The following CCKAR variants were observed in gnomAD, a reference collection of about 807,000 sequenced individuals.
The protein encoded by CCKAR is cholecystokinin receptor type A.
CCKAR carries 21 observed loss-of-function variants against 29.8 expected under a neutral mutation model. The observed-to-expected ratio is 0.70, with a 90% CI of 0.50 to 1.01. The LOEUF (loss-of-function observed/expected upper bound fraction) is 1.01. CCKAR is among the 50% of genes least tolerant of loss of function. The pLI, the probability that CCKAR is intolerant of heterozygous loss-of-function variation, is 0.00. For missense variants in CCKAR, 570 were observed against 560.6 expected (o/e 1.02, Z -0.17); for synonymous variants, 238 against 221.3 (o/e 1.08, Z -0.67).
chr4:26,489,581 C>A (rs959127187), intron 1 of CCKAR, 97 bp from the exon 2 acceptor site: 2 of 1,429,556 alleles, frequency 1.4e-6, no homozygotes, highest in Non-Finnish European at 1.9e-6. Flanking sequence ...ATTTTCCCCC[C>A]ACCGGGGTGT....
rs748528904 is a variant in CCKAR, at chr4:26,482,173, G to A, written c.755-3C>T. 1.9e-6 allele frequency: 3 copies of A among 1,603,428 alleles called. No homozygotes were observed. ...GCTGGTGGTGCTAGGTTTCCTTTCT[G>A]GGTGGGCAAGAGACATCACTCATTG... On this transcript the variant is annotated splice_region_variant and splice_polypyrimidine_tract_variant and intron_variant, in intron 4 of 4. Transcript: ENST00000295589.
At position 26,489,498 on chromosome 4, in the gene CCKAR, C is replaced by A. The variant is rs902321773; in HGVS notation, c.113-14G>T. 2 of 1,612,276 alleles carry A rather than the reference C, an allele frequency of 1.2e-6. No individual in the cohort carries two copies. The highest frequency in any genetic ancestry group is 2.7e-5 in the African/African-American group (2 of 74,904). On this transcript the variant is annotated splice_polypyrimidine_tract_variant and intron_variant, in intron 1 of 4. Coordinates refer to ENST00000295589, the MANE Select transcript of CCKAR (RefSeq NM_000730.3). ...CTGGCTGCCACTCTGCAGAGAGAAA[C>A]AGGAGCAAGACGGAGGGATGGAGGT... is the stretch of plus-strand genomic sequence containing the variant.
intron 3 of CCKAR, among the ~76,000 whole-genome samples, chr4:26,484,914 G>A (rs957317161): frequency 7.1e-5 from 10 of 139,930 alleles, no homozygotes; most frequent in South Asian, 2.3e-4. Context: ...AAAGAAGGCC[G>A]GGCGCGGTGG....
chr4:26,489,544 A>G, intron 1 of CCKAR, 60 bp from the exon 2 acceptor site: 7 of 1,587,412 alleles, frequency 4.4e-6, no homozygotes, highest in Non-Finnish European at 5.2e-6. Context: ...GAATGCTAAA[A>G]CCGAAGCCAA....
At chr4:26,488,392 C>T (rs1176342614) in intron 2 of CCKAR, among the ~76,000 whole-genome samples, 5 of 152,156 alleles carry the variant, frequency 3.3e-5, no homozygotes, top group African/African-American at 1.2e-4. Flanking sequence ...TCTGTTTCCT[C>T]CTTAGGGAGA....
In CCKAR at chr4:26,481,735, C is replaced by A. The variant is rs1229709318; in HGVS notation, c.1190G>T (p.Arg397Met). ...TTCCTCCTCCTCCCCCACCTCTCCC[C>A]TCGCCCCTGGGGGACCAGGATTGGG... ...CCPNPGPPGA[R>M]GEVGEEEEGG... The change falls in exon 5 of 5, where the codon AGG becomes ATG. Residue 397 changes from arginine to methionine, a missense_variant. Arg to Met is a moderately conservative substitution (Grantham distance 91). Transcript: ENST00000295589. 2 of 1,614,110 alleles carry A rather than the reference C, an allele frequency of 1.2e-6. No homozygotes were observed. The highest frequency in any genetic ancestry group is 1.7e-6 in the Non-Finnish European group (2 of 1,180,038).
At chr4:26,482,993 G>A (rs959271793) in intron 4 of CCKAR, among the ~76,000 whole-genome samples, 163 bp downstream of exon 4, 4 of 152,188 alleles carry the variant, frequency 2.6e-5, no homozygotes, top group African/African-American at 9.6e-5. Context: ...ATAAGAAAAT[G>A]AAATACTGGG....
chr4:26,484,913 C>T (rs756237852), intron 3 of CCKAR, among the ~76,000 whole-genome samples: 4 of 138,380 alleles, frequency 2.9e-5, no homozygotes, highest in East Asian at 2.4e-4. Flanking sequence ...AAAAGAAGGC[C>T]GGGCGCGGTG....
chr4:26,490,075 T>TA (rs1391499239), intron 1 of CCKAR, 81 bp downstream of exon 1: 4 of 850,120 alleles, frequency 4.7e-6, no homozygotes, highest in South Asian at 4.4e-5. Flanking sequence ...GTTATATATA[T>TA]TTTTTATCAG....
chr4:26,489,404 C>G lies in CCKAR; in HGVS notation c.193G>C (p.Val65Leu), dbSNP rs200541454. The change falls in exon 2 of 5, where the codon GTG (valine) becomes CTG (leucine). Residue 65 changes from valine to leucine, a missense_variant. Val to Leu is a conservative substitution (Grantham distance 32, BLOSUM62 1). Transcript: ENST00000295589. ...SVLGNTLVIT[V>L]LIRNKRMRTV... ...CGCATCCGCTTGTTCCGAATCAGCACGGTGATGACCAGCGTGTTTCCCAGC... is the reference window on the plus strand; with the variant it reads ...CGCATCCGCTTGTTCCGAATCAGCAGGGTGATGACCAGCGTGTTTCCCAGC... 2 of 1,614,130 alleles carry G rather than the reference C, an allele frequency of 1.2e-6. No homozygotes were observed. The highest frequency in any genetic ancestry group is 2.7e-5 in the African/African-American group (2 of 75,038).
intron 2 of CCKAR, 90 bp downstream of exon 2, chr4:26,489,143 C>A: frequency 6.6e-7 from 1 of 1,524,544 alleles, no homozygotes; most frequent in Non-Finnish European, 9.0e-7. Flanking sequence ...CAGCAGGGCT[C>A]CTTTGCTGTG....
Position 26,483,222 on chromosome 4 carries a change from C to T in CCKAR, c.688G>A (p.Gly230Arg). 6.2e-7 allele frequency: 1 copy of T among 1,613,556 alleles called. No individual in the cohort carries two copies. Among genetic ancestry groups the T allele is most frequent in the Non-Finnish European group, 8.5e-7 (1 of 1,179,644 alleles). ...TGGTAGAGTTCCAAAGAGATTAATC[C>T]ATATGCCACCATCATCACAATTCCA... ...IPGIVMMVAY[G>R]LISLELYQGI... The change falls in exon 4 of 5, where the codon GGA (glycine) becomes AGA (arginine). Residue 230 changes from glycine to arginine, a missense_variant. By Grantham distance (125) the Gly-to-Arg change is moderately radical (BLOSUM62 -2). Coordinates refer to ENST00000295589, the MANE Select transcript of CCKAR (RefSeq NM_000730.3).
In CCKAR at chr4:26,481,555, C is replaced by A; in HGVS notation, c.*83G>T. 6.8e-7 allele frequency: 1 copy of A among 1,466,568 alleles called. No homozygotes were observed. Among genetic ancestry groups the A allele is most frequent in the Admixed American group, 1.7e-5 (1 of 58,670 alleles). The allele number at this position is 1,466,568 out of a possible 1,614,324, so 90.8% of individuals were successfully genotyped here. A position where few individuals can be genotyped will look rare whatever the true frequency, so the allele number is the denominator to read the frequency against. On this transcript the variant is annotated 3_prime_UTR_variant, in exon 5 of 5. Coordinates refer to ENST00000295589, the MANE Select transcript of CCKAR (RefSeq NM_000730.3). ...CCTTCCTTCTCCATCAGCTCTGCTC[C>A]TTCTCTTCCTGATCTCTTCTTCCGT...
chr4:26,483,785 A>C (rs1737396519), intron 3 of CCKAR, among the ~76,000 whole-genome samples: 1 of 152,240 alleles, frequency 6.6e-6, no homozygotes, highest in Admixed American at 6.5e-5. Flanking sequence ...GAGATTAAAT[A>C]ATTTGTCCAA....
rs746758025 is a variant in CCKAR at position 26,485,686 on chromosome 4, C to A, written c.577G>T (p.Ala193Ser). ...GGCAGTAGAAAGCGGCACATATTCG[C>A]GGTCTGGTTGTTATTTTTGGTAAAA... is the stretch of plus-strand genomic sequence containing the variant. ...VPFTKNNNQT[A>S]NMCRFLLPND... The change falls in exon 3 of 5, where the codon GCG becomes TCG. Residue 193 changes from alanine (A) to serine (S), a missense_variant. Physicochemically the swap from Ala to Ser is moderately conservative, Grantham distance 99 (BLOSUM62 1). Transcript: ENST00000295589. The A allele has an allele frequency of 1.2e-6, 2 of 1,614,112 alleles. No homozygotes were observed. Among genetic ancestry groups the A allele is most frequent in the South Asian group, 1.1e-5 (1 of 91,078 alleles).
rs201192381 is a variant in CCKAR at position 26,481,546 on chromosome 4, G to A, written c.*92C>T. On this transcript the variant is annotated 3_prime_UTR_variant, in exon 5 of 5. Coordinates refer to ENST00000295589, the MANE Select transcript of CCKAR (RefSeq NM_000730.3). ...GAGATGGAGCCTTCCTTCTCCATCA[G>A]CTCTGCTCCTTCTCTTCCTGATCTC... The A allele has an allele frequency of 1.4e-6, 2 of 1,383,108 alleles. No homozygotes were observed. The highest frequency in any genetic ancestry group is 2.3e-5 in the East Asian group (1 of 43,958). 85.7% of individuals were successfully genotyped at this position (1,383,108 alleles called of 1,614,324 possible).
chr4:26,482,768 C>G (rs1737377714), intron 4 of CCKAR, among the ~76,000 whole-genome samples: 1 of 152,144 alleles, frequency 6.6e-6, no homozygotes, highest in African/African-American at 2.4e-5. Flanking sequence ...AAAAAGCCGG[C>G]TGTGGGTTAG....
chr4:26,490,024 T>A, intron 1 of CCKAR, 132 bp downstream of exon 1: 1 of 630,706 alleles, frequency 1.6e-6, no homozygotes, highest in Non-Finnish European at 2.8e-6. Context: ...TCCAAACTTC[T>A]GAACATATGA....
chr4:26,484,361 T>C (rs1374586716), intron 3 of CCKAR, among the ~76,000 whole-genome samples: 1 of 152,242 alleles, frequency 6.6e-6, no homozygotes, highest in Admixed American at 6.5e-5. Flanking sequence ...AAAGCAGAGA[T>C]GATCTCAGTT....
Sources: allele counts gnomAD v4.1 joint callset (sites outside exome capture counted in the v4.1 genomes callset), GRCh38; gene constraint gnomAD v4.1.1; transcripts MANE v1.5; gene names NCBI Gene and HGNC (gene_info 2026-07-23, HGNC 2026-07-21).